Variants in THBS2 observed in about 807,000 individuals in gnomAD.
The protein encoded by THBS2 is thrombospondin 2, also known as thrombospondin-2.
In THBS2, 47 loss-of-function variants were observed where a neutral mutation model predicts 135.2. That is an observed-to-expected ratio of 0.35 (90% CI 0.28 to 0.44). The LOEUF (loss-of-function observed/expected upper bound fraction) is 0.44. Among genes scored for constraint, THBS2 ranks in the 20% least tolerant of loss-of-function variants. The pLI, the probability that THBS2 is intolerant of heterozygous loss-of-function variation, is 1.00. For synonymous variants in THBS2, 639 were observed against 633.8 expected (o/e 1.01, Z -0.12); for missense variants, 1,288 against 1,603.1 (o/e 0.80, Z 3.36).
At chr6:169,233,941 C>A (rs1350820352) in intron 10 of THBS2, among the ~76,000 whole-genome samples, 1 of 150,922 alleles carries the variant, frequency 6.6e-6, no homozygotes, top group Non-Finnish European at 1.5e-5. Flanking sequence ...CATACAACTG[C>A]CCACGCACCA....
chr6:169,235,158 G>A (rs967300484), intron 9 of THBS2, among the ~76,000 whole-genome samples: 11 of 152,120 alleles, frequency 7.2e-5, no homozygotes, highest in Non-Finnish European at 1.0e-4. Context: ...TTGGCCTCCA[G>A]AAGACAAATC....
At chr6:169,245,750 C>T (rs957300907) in intron 4 of THBS2, among the ~76,000 whole-genome samples, 1 of 150,164 alleles carries the variant, frequency 6.7e-6, no homozygotes, top group Non-Finnish European at 1.5e-5. Context: ...CCAGATCGCA[C>T]CACTGCACTC....
Position 169,241,847 on chromosome 6 carries a change from G to C in THBS2, c.806C>G (p.Ser269Trp). Residue 269 changes from serine to tryptophan, a missense_variant, in exon 5 of 22, where the codon TCG (serine) becomes TGG (tryptophan). Around this residue, in one of 2 missense-constraint regions of THBS2, gnomAD observed 414 missense variants for 447.0 expected, o/e 0.93. Coordinates refer to ENST00000617924, the MANE Select transcript of THBS2 (RefSeq NM_003247.5). This position sits in a 1 kb window ranked among gnomAD's most constrained non-coding sequence, Gnocchi z 5.5. ...GACCATGTTTCCCAGCTCCTCGCAC[G>C]AGCGTTCGCACACCTCGGGCCTCCT... Reference protein sequence around the residue: ...SERRPEVCERSCEELGNMVQE... With the variant: ...SERRPEVCERWCEELGNMVQE... 1 of 1,612,690 alleles carries C rather than the reference G, an allele frequency of 6.2e-7. No homozygotes were observed.
At chr6:169,223,596 A>G (rs1779511684) in intron 17 of THBS2, 121 bp from the exon 18 acceptor site, 1 of 749,010 alleles carries the variant, frequency 1.3e-6, no homozygotes, top group South Asian at 1.7e-5. Context: ...CAGAACATCT[A>G]AGACTGAGTG....
At chr6:169,229,334 A>C (rs1420692925) in intron 14 of THBS2, among the ~76,000 whole-genome samples, 2 of 152,246 alleles carry the variant, frequency 1.3e-5, no homozygotes, top group African/African-American at 4.8e-5. Context: ...TGCAGTTAAA[A>C]TAGAAAAAAT....
chr6:169,235,816 C>CACTT, intron 9 of THBS2, among the ~76,000 whole-genome samples: 1 of 7,474 alleles, frequency 1.3e-4, no homozygotes, highest in Non-Finnish European at 2.1e-4. Context: ...ACTCCATCCA[C>CACTT]ACTCACTTCC....
Position 169,240,293 on chromosome 6 carries a change from C to T in THBS2, c.1032+159G>A, listed in dbSNP as rs575193934. Among the ~76,000 whole-genome samples the T allele has an allele frequency of 1.8e-4, 28 of 152,328 alleles. 1 individual carries two copies. The highest frequency in any genetic ancestry group is 1.2e-3 in the South Asian group (6 of 4,826). On this transcript the variant is annotated intron_variant, in intron 6 of 21. Transcript: ENST00000617924. ...AAGAGGTTGATTCAAGTCCTAAATA[C>T]GGTTCCTGGCCCTTCTGTGTTTCTT... is the stretch of plus-strand genomic sequence containing the variant.
chr6:169,232,113 T>A lies in THBS2; in HGVS notation c.2018A>T (p.Asp673Val). The A allele has an allele frequency of 6.2e-7, 1 of 1,614,004 alleles. No homozygotes were observed. ...CTGGCACTCGCACTTGTACATGGGG[T>A]CGCTGAAGTGGCCCAGGTAGATGCA... is the stretch of plus-strand genomic sequence containing the variant. ...AECIYLGHFS[D>V]PMYKCECQTG... The change falls in exon 13 of 22, where the codon GAC becomes GTC. Residue 673 changes from aspartate to valine, a missense_variant. By Grantham distance (152) the Asp-to-Val change is radical. This residue lies in a region of THBS2 where 874 missense variants were observed against 1,156.1 expected (regional missense o/e 0.76). Transcript: ENST00000617924.
intron 4 of THBS2, among the ~76,000 whole-genome samples, chr6:169,242,389 A>G (rs1472910396): frequency 2.0e-5 from 3 of 151,388 alleles, no homozygotes; most frequent in African/African-American, 7.3e-5. Flanking sequence ...CACATCCCCC[A>G]TATGTTCTGA....
chr6:169,225,568 C>G (rs764171191), intron 16 of THBS2, among the ~76,000 whole-genome samples, 189 bp from the exon 17 acceptor site: 1 of 152,224 alleles, frequency 6.6e-6, no homozygotes, highest in African/African-American at 2.4e-5. Flanking sequence ...CCAGGCCTCT[C>G]GGTCCAGGAA....
At chr6:169,249,094 G>T (rs1780670757) in intron 2 of THBS2, 121 bp from the exon 3 acceptor site, 1 of 931,638 alleles carries the variant, frequency 1.1e-6, no homozygotes, top group Non-Finnish European at 1.6e-6. Context: ...CCAATATCCC[G>T]CAGCTTCTCT....
rs1385555018 is a variant in THBS2, at chr6:169,234,830, G to A, written c.1555C>T (p.Arg519Trp). The A allele has an allele frequency of 2.5e-6, 4 of 1,613,124 alleles. No homozygotes were observed. The highest frequency in any genetic ancestry group is 1.7e-5 in the Admixed American group (1 of 59,936). The change falls in exon 10 of 22, where the codon CGG becomes TGG. Residue 519 changes from arginine (R) to tryptophan (W), a missense_variant. Physicochemically the swap from Arg to Trp is moderately radical, Grantham distance 101. Coordinates refer to ENST00000617924, the MANE Select transcript of THBS2 (RefSeq NM_003247.5). ...TGAGGCTCAGGGCTGTTGCAGACCC[G>A]GGTGCGCTCCCGGATCCCACCGGCA... The part of the protein sequence containing the change: ...TCAGGIRERT[R>W]VCNSPEPQYG...
At position 169,246,302 on chromosome 6, in the gene THBS2, A is replaced by T. The variant is rs192426801; in HGVS notation, c.610-21T>A. ...AAACCCTGTAAGTATACACAAGCAG[A>T]AAAATAGAGCAACAGATAAACATCC... On this transcript the variant is annotated intron_variant, in intron 3 of 21. Transcript: ENST00000617924. 1.2e-4 allele frequency: 193 copies of T among 1,593,090 alleles called. No homozygotes were observed. The African/African-American group carries it at 2.4e-3, about 20-fold the overall frequency.
intron 15 of THBS2, among the ~76,000 whole-genome samples, chr6:169,226,749 A>G (rs1400967715): frequency 6.6e-6 from 1 of 152,192 alleles, no homozygotes; most frequent in Non-Finnish European, 1.5e-5. Flanking sequence ...AGAAATCTGA[A>G]AGTGATGAGT....
At chr6:169,237,075 G>T in intron 9 of THBS2, 95 bp downstream of exon 9, 1 of 1,414,076 alleles carries the variant, frequency 7.1e-7, no homozygotes, top group South Asian at 1.3e-5. Context: ...GCTGGAACAG[G>T]CCCTGACACC....
intron 16 of THBS2, 36 bp downstream of exon 16, chr6:169,226,144 G>A (rs374864320): frequency 1.9e-6 from 3 of 1,572,002 alleles, no homozygotes; most frequent in Non-Finnish European, 2.6e-6. Context: ...CCTCTGATGA[G>A]GACCTCCAAC....
rs1242352683 is a variant in THBS2, at chr6:169,232,144, C to T, written c.1987G>A (p.Ala663Thr). 6.2e-7 allele frequency: 1 copy of T among 1,614,078 alleles called. No individual in the cohort carries two copies. Among genetic ancestry groups the T allele is most frequent in the Non-Finnish European group, 8.5e-7 (1 of 1,179,974 alleles). ...AAGTGGCCCAGGTAGATGCACTCCG[C>T]GTGCTTGTGGCAGTTGTGTGTCTTG... ...KDKTHNCHKH[A>T]ECIYLGHFSD... is the part of the protein sequence containing the mutation. Residue 663 changes from alanine to threonine, a missense_variant, in exon 13 of 22, where the codon GCG becomes ACG. Ala to Thr is a moderately conservative substitution (Grantham distance 58). Coordinates refer to ENST00000617924, the MANE Select transcript of THBS2 (RefSeq NM_003247.5).
chr6:169,242,049 T>A, intron 4 of THBS2, 91 bp from the exon 5 acceptor site: 1 of 1,423,738 alleles, frequency 7.0e-7, no homozygotes, highest in South Asian at 1.3e-5. Context: ...CCGCCCTGGC[T>A]CCCGGAGCGG....
intron 18 of THBS2, 132 bp downstream of exon 18, chr6:169,223,116 C>T: frequency 1.2e-6 from 1 of 803,372 alleles, no homozygotes; most frequent in Non-Finnish European, 1.9e-6. Context: ...TTTCACAGAC[C>T]ATGGAAGGAT....
Sources: allele counts gnomAD v4.1 joint callset (sites outside exome capture counted in the v4.1 genomes callset), GRCh38; gene constraint gnomAD v4.1.1; regional missense constraint gnomAD v4.1.1; non-coding constraint Gnocchi (gnomAD v3.1); transcripts MANE v1.5; gene names NCBI Gene and HGNC (gene_info 2026-07-23, HGNC 2026-07-21).